Variants in TREML2 observed in about 807,000 individuals in gnomAD.
TREML2 encodes the protein triggering receptor expressed on myeloid cells like 2, also known as trem-like transcript 2 protein.
A neutral mutation model predicts 25.9 loss-of-function variants in TREML2; 24 were observed. The observed-to-expected ratio is 0.93, with a 90% CI of 0.67 to 1.30. The LOEUF is 1.30. Ranked by LOEUF, TREML2 falls within the 50% of genes most tolerant of loss-of-function variation. The pLI, the probability that TREML2 is intolerant of heterozygous loss-of-function variation, is 0.00. For missense variants in TREML2, 359 were observed against 395.6 expected (o/e 0.91, Z 0.78); for synonymous variants, 139 against 155.2 (o/e 0.90, Z 0.77).
chr6:41,192,545 T>C (rs776063985), intron 4 of TREML2, 39 bp from the exon 5 acceptor site: 1 of 1,578,764 alleles, frequency 6.3e-7, no homozygotes, highest in Non-Finnish European at 8.7e-7. Flanking sequence ...TGTCCTGCCC[T>C]GCCCACGGTG....
At chr6:41,192,986 C>G in intron 3 of TREML2, 85 bp from the exon 4 acceptor site, 1 of 1,153,494 alleles carries the variant, frequency 8.7e-7, no homozygotes, top group Non-Finnish European at 1.2e-6. Context: ...GCAGCAGAAA[C>G]CCTGAGAGCG....
At chr6:41,192,741 C>T in intron 4 of TREML2, 60 bp downstream of exon 4, 1 of 1,484,184 alleles carries the variant, frequency 6.7e-7, no homozygotes. Flanking sequence ...GAGGTCATAA[C>T]CCTTAGTGCA....
Position 41,192,123 on chromosome 6 carries a change from C to T in TREML2, c.*304G>A. On this transcript the variant is annotated 3_prime_UTR_variant, in exon 5 of 5. Coordinates refer to ENST00000483722, the MANE Select transcript of TREML2 (RefSeq NM_024807.4). ...CTGTAAACAGCACTCTCAGGGTTCC[C>T]CTGCCTCCACCAAGAGCCCTGGGGT... The T allele has an allele frequency of 2.5e-6, 1 of 397,468 alleles. No individual in the cohort carries two copies. The allele number at this position is 397,468 out of a possible 1,614,324, so 24.6% of individuals were successfully genotyped here. A position where few individuals can be genotyped will look rare whatever the true frequency, so the allele number is the denominator to read the frequency against.
Position 41,190,497 on chromosome 6 carries a change from C to T in TREML2, c.*1930G>A, listed in dbSNP as rs1026483945. 5 of 152,180 alleles carry T rather than the reference C, an allele frequency of 3.3e-5. No homozygotes were observed. Among genetic ancestry groups the T allele is most frequent in the Non-Finnish European group, 1.5e-5 (1 of 68,042 alleles). The allele number at this position is 152,180 out of a possible 1,614,324, so 9.4% of individuals were successfully genotyped here. ...GTAATGAGGCATTTGCATCATTGTA[C>T]AATGCTAATGTTATTTTATCTTGAA... On this transcript the variant is annotated 3_prime_UTR_variant, in exon 5 of 5. Transcript: ENST00000483722.
Position 41,194,665 on chromosome 6 carries a change from G to A in TREML2, c.545C>T (p.Thr182Ile), listed in dbSNP as rs1403659319. The change falls in exon 3 of 5, where the codon ACC becomes ATC. Residue 182 changes from threonine (T) to isoleucine (I), a missense_variant. Physicochemically the swap from Thr to Ile is moderately conservative, Grantham distance 89. Coordinates refer to ENST00000483722, the MANE Select transcript of TREML2 (RefSeq NM_024807.4). Reference sequence around the variant, plus strand: ...GTAGCCTGTCTTGGAGGCAGGTCTGGTGGAGGCTAAGAGCCTAGGCAAGGT... The same window carrying A: ...GTAGCCTGTCTTGGAGGCAGGTCTGATGGAGGCTAAGAGCCTAGGCAAGGT... Reference protein sequence around the residue: ...LITLPRLLASTRPASKTGYSF... With the variant: ...LITLPRLLASIRPASKTGYSF... 3 of 1,613,990 alleles carry A rather than the reference G, an allele frequency of 1.9e-6. No individual in the cohort carries two copies. The highest frequency in any genetic ancestry group is 3.3e-5 in the Admixed American group (2 of 59,992).
intron 4 of TREML2, 134 bp from the exon 5 acceptor site, chr6:41,192,640 TG>T: frequency 8.6e-7 from 1 of 1,156,596 alleles, no homozygotes; most frequent in Non-Finnish European, 1.3e-6. Context: ...TTGTGCTGGG[TG>T]GTCTCCGCCT....
chr6:41,198,376 G>C lies in TREML2; in HGVS notation c.109C>G (p.Leu37Val), dbSNP rs1460514653. The C allele has an allele frequency of 1.9e-6, 3 of 1,614,194 alleles. No homozygotes were observed. Among genetic ancestry groups the C allele is most frequent in the Non-Finnish European group, 2.5e-6 (3 of 1,180,016 alleles). Residue 37 changes from leucine to valine, a missense_variant, in exon 2 of 5, where the codon CTG (leucine) becomes GTG (valine). By Grantham distance (32) the Leu-to-Val change is conservative (BLOSUM62 1). Transcript: ENST00000483722. The stretch of plus-strand genomic sequence containing the variant: ...CCCTTATAGGAGCACTGCACAGACA[G>C]AGTCTCCCCTTCAAGGAGCCTCACT... Reference protein sequence around the residue: ...TKVRLLEGETLSVQCSYKGYK... With the variant: ...TKVRLLEGETVSVQCSYKGYK...
intron 1 of TREML2, among the ~76,000 whole-genome samples, chr6:41,200,551 T>C (rs1472582300): frequency 6.6e-6 from 1 of 152,204 alleles, no homozygotes; most frequent in African/African-American, 2.4e-5. Context: ...AGGGACAGGA[T>C]GTGGCATCAG....
intron 2 of TREML2, among the ~76,000 whole-genome samples, chr6:41,196,344 G>T (rs1442561712): frequency 6.6e-6 from 1 of 152,186 alleles, no homozygotes; most frequent in Non-Finnish European, 1.5e-5. Flanking sequence ...CCCTGTGGAA[G>T]ATGGAGATGC....
intron 3 of TREML2, 83 bp downstream of exon 3, chr6:41,194,342 G>A (rs1159436140): frequency 2.2e-6 from 3 of 1,379,472 alleles, no homozygotes; most frequent in Non-Finnish European, 2.9e-6. Context: ...AGCAAAAGGG[G>A]AAGGTCAGAT....
In TREML2 at chr6:41,194,963, G is replaced by C. The variant is rs1001354185; in HGVS notation, c.377-130C>G. ...GTCCTCTTCTCTTCTCCTTGACCTTGGGCCTAGGATTCTGGCTGCTGAGTG... is the reference window on the plus strand; with the variant it reads ...GTCCTCTTCTCTTCTCCTTGACCTTCGGCCTAGGATTCTGGCTGCTGAGTG... On this transcript the variant is annotated intron_variant, in intron 2 of 4. Transcript: ENST00000483722. 3.8e-6 allele frequency: 3 copies of C among 798,170 alleles called. No homozygotes were observed. The African/African-American group carries it at 5.2e-5, about 14-fold the overall frequency. 49.4% of individuals were successfully genotyped at this position (798,170 alleles called of 1,614,324 possible).
Position 41,194,764 on chromosome 6 carries a change from G to A in TREML2, c.446C>T (p.Thr149Ile), listed in dbSNP as rs773032359. 2 of 1,612,084 alleles carry A rather than the reference G, an allele frequency of 1.2e-6. No individual in the cohort carries two copies. Among genetic ancestry groups the A allele is most frequent in the East Asian group, 4.5e-5 (2 of 44,860 alleles). The change falls in exon 3 of 5, where the codon ACT (threonine) becomes ATT (isoleucine). Residue 149 changes from threonine (T) to isoleucine (I), a missense_variant. Thr to Ile is a moderately conservative substitution (Grantham distance 89). Coordinates refer to ENST00000483722, the MANE Select transcript of TREML2 (RefSeq NM_024807.4). ...DNILKSGTVT[T>I]GQAPTSGPDA... ...AGGGCCTGAGGTAGGGGCTTGGCCA[G>A]TTGTGACAGTTCCACTCTTGAGGAT...
intron 2 of TREML2, among the ~76,000 whole-genome samples, chr6:41,196,053 A>G (rs1472004781): frequency 1.3e-5 from 2 of 152,224 alleles, no homozygotes. Flanking sequence ...CAGAGTTTGT[A>G]GTTGGAATAA....
intron 2 of TREML2, among the ~76,000 whole-genome samples, chr6:41,197,043 G>T (rs1766180044): frequency 6.6e-6 from 1 of 152,060 alleles, no homozygotes; most frequent in South Asian, 2.1e-4. Flanking sequence ...CCTCCTTTTG[G>T]CTCACCCCTC....
chr6:41,199,298 A>G (rs966380526), intron 1 of TREML2, among the ~76,000 whole-genome samples: 1 of 152,258 alleles, frequency 6.6e-6, no homozygotes, highest in Non-Finnish European at 1.5e-5. Flanking sequence ...GTATTTGAAA[A>G]TATGATTAAC....
At chr6:41,192,995 C>T (rs908772806) in intron 3 of TREML2, 94 bp from the exon 4 acceptor site, 20 of 1,034,396 alleles carry the variant, frequency 1.9e-5, no homozygotes, top group South Asian at 1.7e-4. Context: ...ACCCTGAGAG[C>T]GTGCCCTTCC....
chr6:41,200,080 C>A (rs1485979600), intron 1 of TREML2, among the ~76,000 whole-genome samples: 1 of 152,218 alleles, frequency 6.6e-6, no homozygotes, highest in Admixed American at 6.5e-5. Context: ...TCTGTCCCAC[C>A]AGAATCCAGG....
At chr6:41,200,868 G>T in intron 1 of TREML2, 86 bp downstream of exon 1, 2 of 1,200,904 alleles carry the variant, frequency 1.7e-6, no homozygotes, top group Non-Finnish European at 2.2e-6. Flanking sequence ...CAAGAAAACT[G>T]CTGGTAAGGA....
intron 1 of TREML2, among the ~76,000 whole-genome samples, chr6:41,200,723 G>T (rs2113911113): frequency 6.6e-6 from 1 of 152,334 alleles, no homozygotes; most frequent in Non-Finnish European, 1.5e-5. Flanking sequence ...AGCAGATAAA[G>T]GAGCCAATGC....
Sources: gnomAD v4.1 joint callset for allele counts (sites outside exome capture counted in the v4.1 genomes callset) on GRCh38, gnomAD v4.1.1 for gene constraint, MANE v1.5 for transcripts, NCBI Gene and HGNC (gene_info 2026-07-23, HGNC 2026-07-21) for gene names.